Variants in SH2D1A observed in about 807,000 individuals in gnomAD.
SH2D1A encodes SH2 domain-containing protein 1A.
Under a neutral mutation model 10.1 loss-of-function variants are expected in SH2D1A, and 6 were observed. The ratio of observed to expected loss-of-function variants is 0.60; its 90% confidence interval spans 0.33 to 1.18. The LOEUF is 1.18. Ranked by LOEUF, SH2D1A falls within the 50% of genes most tolerant of loss-of-function variation. SH2D1A has a pLI of 0.04. For missense variants in SH2D1A, 51 were observed against 97.6 expected (o/e 0.52, Z 2.01); for synonymous variants, 42 against 36.9 (o/e 1.14, Z -0.51).
intron 1 of SH2D1A, 49 bp downstream of exon 1, chrX:124,346,828 G>C: frequency 8.3e-7 from 1 of 1,199,085 alleles, no homozygotes; most frequent in Non-Finnish European, 1.1e-6. Context: ...TGGGCGGTGG[G>C]CAACAGCAGC....
chrX:124,347,728 G>C (rs1188068987), intron 1 of SH2D1A, among the ~76,000 whole-genome samples: 1 of 111,346 alleles, frequency 9.0e-6, no homozygotes, highest in Non-Finnish European at 1.9e-5. Flanking sequence ...ACTGGGGCCT[G>C]ACACCTAGTA....
intron 1 of SH2D1A, among the ~76,000 whole-genome samples, chrX:124,358,060 T>A (rs923449125): frequency 9.0e-6 from 1 of 111,730 alleles, no homozygotes; most frequent in African/African-American, 3.3e-5. Flanking sequence ...GGTTTGCAAA[T>A]ATATTCTCCC....
At chrX:124,357,763 G>T (rs1406078307) in intron 1 of SH2D1A, among the ~76,000 whole-genome samples, 1 of 110,494 alleles carries the variant, frequency 9.1e-6, no homozygotes, top group Non-Finnish European at 1.9e-5. Flanking sequence ...CATACCTGTT[G>T]GTCATTTGTA....
At chrX:124,351,038 A>T (rs1418736724) in intron 1 of SH2D1A, among the ~76,000 whole-genome samples, 1 of 89,596 alleles carries the variant, frequency 1.1e-5, no homozygotes, top group Admixed American at 1.5e-4. Context: ...AAATATATAT[A>T]TTTTATATAT....
Position 124,371,446 on chromosome X carries a change from C to T in SH2D1A, c.*55C>T. On this transcript the variant is annotated 3_prime_UTR_variant, in exon 4 of 4. Transcript: ENST00000371139. Reference sequence around the variant, plus strand: ...TCTATAATTTAAATATATGCTAAGTCTTATATATTGTAGATAATACAGTTC... The same window carrying T: ...TCTATAATTTAAATATATGCTAAGTTTTATATATTGTAGATAATACAGTTC... The T allele has an allele frequency of 1.3e-6, 1 of 798,885 alleles. No individual in the cohort carries two copies. Among genetic ancestry groups the T allele is most frequent in the South Asian group, 2.4e-5 (1 of 41,323 alleles). The allele number at this position is 798,885 out of a possible 1,213,427, so 65.8% of individuals were successfully genotyped here.
In SH2D1A at chrX:124,372,766, G is replaced by A. The variant is rs1270537182; in HGVS notation, c.*1375G>A. On this transcript the variant is annotated 3_prime_UTR_variant, in exon 4 of 4. Transcript: ENST00000371139. ...TTAATTAGTGAACTGCTGAGAGACA[G>A]AGCTATTCTCCATGTACTGGCAAGA... is the stretch of plus-strand genomic sequence containing the variant. 6.0e-6 allele frequency: 1 copy of A among 165,793 alleles called. No individual in the cohort carries two copies. Among genetic ancestry groups the A allele is most frequent in the Non-Finnish European group, 1.2e-5 (1 of 86,311 alleles). 13.7% of individuals were successfully genotyped at this position (165,793 alleles called of 1,213,427 possible).
At chrX:124,348,260 T>A (rs1161403836) in intron 1 of SH2D1A, among the ~76,000 whole-genome samples, 1 of 111,489 alleles carries the variant, frequency 9.0e-6, no homozygotes, top group Non-Finnish European at 1.9e-5. Context: ...CTAGGATTCT[T>A]AGGCTCTTTT....
rs1290272248 is a variant in SH2D1A, at chrX:124,372,031, G to A, written c.*640G>A. The A allele has an allele frequency of 6.3e-6, 1 of 158,578 alleles. No individual in the cohort carries two copies. Among genetic ancestry groups the A allele is most frequent in the Non-Finnish European group, 1.2e-5 (1 of 81,887 alleles). The allele number at this position is 158,578 out of a possible 1,213,427, so 13.1% of individuals were successfully genotyped here. A position where few individuals can be genotyped will look rare whatever the true frequency, so the allele number is the denominator to read the frequency against. On this transcript the variant is annotated 3_prime_UTR_variant, in exon 4 of 4. Transcript: ENST00000371139. ...ATAATTTAAAATATGCTCTAAACAT[G>A]TTTATCGTATTTGATGCTACAGGAT...
In SH2D1A at chrX:124,360,608, A is replaced by AC. The variant is rs766136106; in HGVS notation, c.138-5153_138-5152insC. On this transcript the variant is annotated intron_variant, in intron 1 of 3. Coordinates refer to ENST00000371139, the MANE Select transcript of SH2D1A (RefSeq NM_002351.5). The stretch of plus-strand genomic sequence containing the variant: ...ACAGAGCAAGACACCATTAAAAAAA[A>AC]AAAAAAAAAAAAAAAAGCATGTGTC... 4.2e-3 allele frequency among the ~76,000 whole-genome samples: 421 copies of AC among 100,395 alleles called. 5 individuals are homozygous for AC. The highest frequency in any genetic ancestry group is 0.015 in the African/African-American group (406 of 27,517). 87.2% of individuals were successfully genotyped at this position (100,395 alleles called of 115,157 possible).
chrX:124,364,637 C>G (rs1213774702), intron 1 of SH2D1A, among the ~76,000 whole-genome samples: 1 of 110,850 alleles, frequency 9.0e-6, no homozygotes, highest in African/African-American at 3.3e-5. Flanking sequence ...CTCAGCCTCC[C>G]AAGTAGCTGG....
intron 1 of SH2D1A, among the ~76,000 whole-genome samples, chrX:124,357,851 G>A (rs1195519277): frequency 3.7e-5 from 4 of 108,583 alleles, no homozygotes; most frequent in African/African-American, 1.0e-4. Context: ...ATGGTGTCTC[G>A]GTCTGTCGCC....
intron 1 of SH2D1A, among the ~76,000 whole-genome samples, chrX:124,361,986 A>T (rs937572216): frequency 4.5e-5 from 5 of 112,069 alleles, no homozygotes; most frequent in Non-Finnish European, 7.5e-5. Context: ...ACTACTTAAG[A>T]TTACTTATGA....
At chrX:124,371,279 A>G in intron 3 of SH2D1A, 72 bp from the exon 4 acceptor site, 1 of 720,937 alleles carries the variant, frequency 1.4e-6, no homozygotes. Context: ...GAAATTTTAT[A>G]AGTTTGAGTT....
chrX:124,350,524 C>T (rs1476964168), intron 1 of SH2D1A, among the ~76,000 whole-genome samples: 1 of 33,978 alleles, frequency 2.9e-5, no homozygotes, highest in Non-Finnish European at 4.6e-5. Context: ...ATATTATATA[C>T]TATATATAAT....
intron 1 of SH2D1A, among the ~76,000 whole-genome samples, chrX:124,351,850 G>C (rs1485596482): frequency 9.1e-6 from 1 of 110,291 alleles, no homozygotes; most frequent in Non-Finnish European, 1.9e-5. Flanking sequence ...TCCTTTCGAA[G>C]TTTGGTGTTT....
In SH2D1A at chrX:124,365,812, T is replaced by C; in HGVS notation, c.189T>C (p.Ser63=). ...GAGTGTCCCAGACAGAAACAGGTTC[T>C]TGGAGTGCTGAGGTATAGTTGTATT... ...TYRVSQTETG[S]WSAETAPGVH... The change falls in exon 2 of 4, where the codon TCT becomes TCC. Residue 63 remains serine, a synonymous_variant. Transcript: ENST00000371139. 8.7e-7 allele frequency: 1 copy of C among 1,154,708 alleles called. No homozygotes were observed. The highest frequency in any genetic ancestry group is 1.2e-6 in the Non-Finnish European group (1 of 843,511).
At chrX:124,355,695 T>A (rs2147525447) in intron 1 of SH2D1A, among the ~76,000 whole-genome samples, 1 of 111,586 alleles carries the variant, frequency 9.0e-6, no homozygotes, top group African/African-American at 3.3e-5. Flanking sequence ...GGCTCCAAAT[T>A]GTAATTCTGC....
chrX:124,371,557 T>C lies in SH2D1A; in HGVS notation c.*166T>C. The C allele has an allele frequency of 3.0e-6, 1 of 329,410 alleles. No homozygotes were observed. The highest frequency in any genetic ancestry group is 5.6e-5 in the Admixed American group (1 of 17,953). 27.1% of individuals were successfully genotyped at this position (329,410 alleles called of 1,213,427 possible). On this transcript the variant is annotated 3_prime_UTR_variant, in exon 4 of 4. Transcript: ENST00000371139. ...TCGTCAAAGCTGAAATGGACTTTTG[T>C]ACATAGTGAGGAGCTTTGAAACGAG...
intron 2 of SH2D1A, among the ~76,000 whole-genome samples, chrX:124,366,872 GACAA>G (rs776128126): frequency 7.7e-5 from 5 of 64,559 alleles, no homozygotes; most frequent in African/African-American, 2.0e-4. Context: ...AAAATATACT[GACAA>G]ACACACACAC....
Sources: gnomAD v4.1 joint callset for allele counts (sites outside exome capture counted in the v4.1 genomes callset) on GRCh38, gnomAD v4.1.1 for gene constraint, MANE v1.5 for transcripts, NCBI Gene and HGNC (gene_info 2026-07-23, HGNC 2026-07-21) for gene names.